Variants in NALCN observed in about 807,000 individuals in gnomAD.
NALCN encodes the protein sodium leak channel NALCN.
In NALCN, 111 loss-of-function variants were observed where a neutral mutation model predicts 225.3. The observed-to-expected ratio is 0.49, with a 90% CI of 0.42 to 0.58. The LOEUF (loss-of-function observed/expected upper bound fraction) is 0.58, where lower values mean the gene tolerates loss of function less well. Among genes scored for constraint, NALCN ranks in the 20% least tolerant of loss-of-function variants. The pLI is 0.00. For missense variants in NALCN, 1,378 were observed against 2,202.4 expected (o/e 0.63, Z 7.49); for synonymous variants, 764 against 769.0 (o/e 0.99, Z 0.11).
At chr13:101,115,232 C>T (rs1158233031) in intron 18 of NALCN, among the ~76,000 whole-genome samples, 1 of 151,886 alleles carries the variant, frequency 6.6e-6, no homozygotes, top group African/African-American at 2.4e-5. Flanking sequence ...TAATGGGCTG[C>T]ATACCTACAC....
chr13:101,319,976 C>G (rs1594669783), intron 7 of NALCN, among the ~76,000 whole-genome samples: 2 of 152,184 alleles, frequency 1.3e-5, no homozygotes, highest in South Asian at 4.2e-4. Flanking sequence ...TCCCTAAAGC[C>G]AAATTCTTCT....
chr13:101,415,247 C>T (rs2047909287), intron 1 of NALCN, among the ~76,000 whole-genome samples: 1 of 63,848 alleles, frequency 1.6e-5, no homozygotes, highest in Admixed American at 1.5e-4. Context: ...ATTTCAAAAT[C>T]GCCACCTGTT....
At chr13:101,246,448 A>G (rs1310923211) in intron 11 of NALCN, among the ~76,000 whole-genome samples, 1 of 152,202 alleles carries the variant, frequency 6.6e-6, no homozygotes, top group Non-Finnish European at 1.5e-5. Context: ...TTCAGATTCA[A>G]TAACAACAAA....
At chr13:101,294,967 A>C (rs1042130932) in intron 7 of NALCN, among the ~76,000 whole-genome samples, 4 of 152,176 alleles carry the variant, frequency 2.6e-5, no homozygotes, top group African/African-American at 7.2e-5. Flanking sequence ...ACCGGTTACA[A>C]CACAAATTCT....
At chr13:101,154,389 T>C (rs2139837492) in intron 15 of NALCN, among the ~76,000 whole-genome samples, 1 of 152,330 alleles carries the variant, frequency 6.6e-6, no homozygotes, top group East Asian at 1.9e-4. Context: ...CTGTTATTCC[T>C]CTTATATGGG....
At chr13:101,235,140 T>G (rs761781901) in intron 12 of NALCN, among the ~76,000 whole-genome samples, 1 of 151,968 alleles carries the variant, frequency 6.6e-6, no homozygotes, top group Non-Finnish European at 1.5e-5. Context: ...AAAACAGTCA[T>G]ATTTCTAAGT....
chr13:101,087,291 T>C (rs758910374), intron 30 of NALCN, among the ~76,000 whole-genome samples: 29 of 152,140 alleles, frequency 1.9e-4, no homozygotes, highest in Middle Eastern at 3.2e-3. Flanking sequence ...CTATGTGCCT[T>C]TGGGTATGAC....
chr13:101,313,248 A>T (rs572516598), intron 7 of NALCN, among the ~76,000 whole-genome samples: 1 of 152,076 alleles, frequency 6.6e-6, no homozygotes, highest in Admixed American at 6.5e-5. Context: ...AACCTAGGCA[A>T]TACCATTCAG....
chr13:101,149,116 AC>A (rs2037504749), intron 15 of NALCN, among the ~76,000 whole-genome samples: 1 of 152,058 alleles, frequency 6.6e-6, no homozygotes, highest in Non-Finnish European at 1.5e-5. Context: ...ACACGGTGAA[AC>A]CCCGTCTCTG....
At chr13:101,315,000 C>CTTTTTGAATGGGAAGAAAAGCT (rs11272454) in intron 7 of NALCN, among the ~76,000 whole-genome samples, 4 of 152,160 alleles carry the variant, frequency 2.6e-5, no homozygotes, top group South Asian at 2.1e-4. Flanking sequence ...TAAGGAAGGG[C>CTTTTTGAATGGGAAGAAAAGCT]TTACAAAGGA....
intron 1 of NALCN, among the ~76,000 whole-genome samples, chr13:101,415,414 G>A (rs539162084): frequency 6.6e-5 from 10 of 152,058 alleles, no homozygotes; most frequent in East Asian, 1.9e-4. Context: ...GAAAGTGAGC[G>A]TGTATTCACA....
At chr13:101,240,108 T>C (rs1187434905) in intron 11 of NALCN, among the ~76,000 whole-genome samples, 1 of 152,114 alleles carries the variant, frequency 6.6e-6, no homozygotes, top group Admixed American at 6.5e-5. Flanking sequence ...GCCAACAGTC[T>C]GGTTTCTAAC....
At chr13:101,078,427 T>C (rs895150656) in intron 34 of NALCN, among the ~76,000 whole-genome samples, 2 of 152,208 alleles carry the variant, frequency 1.3e-5, no homozygotes, top group African/African-American at 2.4e-5. Context: ...CCCAAGGCCA[T>C]GGGAGCCCAC....
intron 17 of NALCN, among the ~76,000 whole-genome samples, chr13:101,129,283 G>A (rs1028944691): frequency 6.6e-6 from 1 of 152,092 alleles, no homozygotes; most frequent in Non-Finnish European, 1.5e-5. Flanking sequence ...TTCTATCATC[G>A]CTCAAGGTAA....
At chr13:101,237,707 C>T (rs777230091) in intron 12 of NALCN, 48 bp downstream of exon 12, 3 of 1,312,166 alleles carry the variant, frequency 2.3e-6, no homozygotes, top group South Asian at 3.2e-5. Context: ...GGTATTTACT[C>T]TGGAAATAAA....
rs2032615829 is a variant in NALCN, at chr13:101,068,676, T to C, written c.4330+19A>G. 6.4e-7 allele frequency: 1 copy of C among 1,567,774 alleles called. No homozygotes were observed. The highest frequency in any genetic ancestry group is 8.6e-7 in the Non-Finnish European group (1 of 1,158,382). On this transcript the variant is annotated intron_variant, in intron 38 of 43. Transcript: ENST00000251127. ...ACCTGAGTTTAAAGAGTAAAAAGTA[T>C]TCAACTAACATCACTTACCTACAAG... is the stretch of plus-strand genomic sequence containing the variant.
chr13:101,077,908 C>T (rs1193562638), intron 34 of NALCN, among the ~76,000 whole-genome samples: 1 of 152,190 alleles, frequency 6.6e-6, no homozygotes, highest in Non-Finnish European at 1.5e-5. Context: ...CCCCAGGCTC[C>T]CTCTGCTCTA....
intron 7 of NALCN, among the ~76,000 whole-genome samples, chr13:101,340,460 A>C (rs574591048): frequency 1.3e-5 from 2 of 152,330 alleles, no homozygotes; most frequent in East Asian, 3.9e-4. Flanking sequence ...ACACAGAGAT[A>C]CATTCATATT....
chr13:101,159,944 T>TG (rs879401879), intron 15 of NALCN, among the ~76,000 whole-genome samples: 29 of 148,844 alleles, frequency 1.9e-4, no homozygotes, highest in Non-Finnish European at 3.7e-4. Flanking sequence ...TTTTTGTTAT[T>TG]TTTTGTTATT....
Sources: gnomAD v4.1 joint callset for allele counts (sites outside exome capture counted in the v4.1 genomes callset) on GRCh38, gnomAD v4.1.1 for gene constraint, MANE v1.5 for transcripts, NCBI Gene and HGNC (gene_info 2026-07-23, HGNC 2026-07-21) for gene names.